URB1: variants seen among roughly 807,000 people sequenced by gnomAD.
URB1 encodes URB1 ribosome biogenesis factor.
URB1 carries 197 observed loss-of-function variants against 242.3 expected under a neutral mutation model. That is an observed-to-expected ratio of 0.81 (90% CI 0.72 to 0.91). The LOEUF is 0.91. URB1 is among the 40% of genes least tolerant of loss of function. URB1 has a pLI of 0.00. For missense variants in URB1, 2,721 were observed against 2,860.5 expected (o/e 0.95, Z 1.11); for synonymous variants, 1,153 against 1,201.8 (o/e 0.96, Z 0.84).
At chr21:32,354,685 C>T (rs890692608) in intron 17 of URB1, among the ~76,000 whole-genome samples, 174 bp downstream of exon 17, 4 of 152,204 alleles carry the variant, frequency 2.6e-5, no homozygotes, top group African/African-American at 9.7e-5. Flanking sequence ...ACAAGTGTTT[C>T]CCATTACATG....
intron 29 of URB1, 122 bp from the exon 30 acceptor site, chr21:32,333,541 C>G (rs1461632869): frequency 9.2e-6 from 7 of 759,132 alleles, no homozygotes; most frequent in African/African-American, 7.1e-5. Flanking sequence ...TATTTGCATA[C>G]ATAATGAGAT....
intron 11 of URB1, 111 bp downstream of exon 11, chr21:32,363,045 A>G: frequency 7.2e-7 from 1 of 1,388,076 alleles, no homozygotes; most frequent in Non-Finnish European, 9.6e-7. Context: ...CGGCCTGTCC[A>G]ACCCTGCGGC....
Position 32,368,311 on chromosome 21 carries a change from G to A in URB1, c.1197+92C>T, listed in dbSNP as rs566627216. ...TCAAACTCCTGACCTCAGGTAATCC[G>A]CCTGCCTCGGCCTCCCGAAGTGCTG... On this transcript the variant is annotated intron_variant, in intron 9 of 38. Transcript: ENST00000382751. 9.2e-5 allele frequency: 110 copies of A among 1,195,910 alleles called. No homozygotes were observed. The African/African-American group carries it at 1.1e-3, about 12-fold the overall frequency. The allele number at this position is 1,195,910 out of a possible 1,614,324, so 74.1% of individuals were successfully genotyped here. A position where few individuals can be genotyped will look rare whatever the true frequency, so the allele number is the denominator to read the frequency against.
chr21:32,347,034 C>A lies in URB1; in HGVS notation c.3790G>T (p.Asp1264Tyr), dbSNP rs77503870. 70 of 1,549,352 alleles carry A rather than the reference C, an allele frequency of 4.5e-5. No homozygotes were observed. Among genetic ancestry groups the A allele is most frequent in the Non-Finnish European group, 6.0e-5 (69 of 1,145,602 alleles). ...QAGPGLGLQG[D>Y]LDDFLPLIHV... is the part of the protein sequence containing the mutation. Reference sequence around the variant, plus strand: ...ATGAGGGGAAGGAAGTCGTCCAGGTCCCCCTGGAGGCCGAGCCCTGGGCCA... The same window carrying A: ...ATGAGGGGAAGGAAGTCGTCCAGGTACCCCTGGAGGCCGAGCCCTGGGCCA... Residue 1264 changes from aspartate (D) to tyrosine (Y), a missense_variant, in exon 22 of 39, where the codon GAC becomes TAC. Transcript: ENST00000382751.
At position 32,354,101 on chromosome 21, in the gene URB1, C is replaced by T. The variant is rs1325015469; in HGVS notation, c.2248G>A (p.Val750Ile). The T allele has an allele frequency of 1.9e-6, 3 of 1,551,650 alleles. No homozygotes were observed. The highest frequency in any genetic ancestry group is 1.7e-6 in the Non-Finnish European group (2 of 1,146,966). ...MSIPISHIDD[V>I]LDMVDVLVEG... ...ACCAGGACATCCACCATGTCGAGAA[C>T]ATCTGAGACAGAAAGAGGAGAATCC... The change falls in exon 18 of 39, where the codon GTT becomes ATT. Residue 750 changes from valine to isoleucine, a missense_variant and splice_region_variant. By Grantham distance (29) the Val-to-Ile change is conservative (BLOSUM62 3). Coordinates refer to ENST00000382751, the MANE Select transcript of URB1 (RefSeq NM_014825.3).
At chr21:32,333,039 TTCA>T (rs2032914265) in intron 30 of URB1, 1 of 398,250 alleles carries the variant, frequency 2.5e-6, no homozygotes, top group East Asian at 5.6e-5. Flanking sequence ...GCAGAAAATG[TTCA>T]TCATTAGGAA....
chr21:32,311,391 T>A lies in URB1; in HGVS notation c.*3527A>T. 1 of 467,258 alleles carries A rather than the reference T, an allele frequency of 2.1e-6. No homozygotes were observed. 28.9% of individuals were successfully genotyped at this position (467,258 alleles called of 1,614,324 possible). A position where few individuals can be genotyped will look rare whatever the true frequency, so the allele number is the denominator to read the frequency against. On this transcript the variant is annotated 3_prime_UTR_variant, in exon 39 of 39. Transcript: ENST00000382751. ...CTCAGATACAGCGCTGGATGGGAGGTCAACCTGCTCCCCTCCACCCCCCAC... is the reference window on the plus strand; with the variant it reads ...CTCAGATACAGCGCTGGATGGGAGGACAACCTGCTCCCCTCCACCCCCCAC...
At chr21:32,360,419 T>A (rs960484355) in intron 13 of URB1, among the ~76,000 whole-genome samples, 2 of 152,216 alleles carry the variant, frequency 1.3e-5, no homozygotes, top group African/African-American at 4.8e-5. Context: ...CTTCAAATGA[T>A]TAAAAAGTGA....
At chr21:32,350,658 T>C (rs936745353) in intron 20 of URB1, 46 bp downstream of exon 20, 5 of 1,537,542 alleles carry the variant, frequency 3.3e-6, no homozygotes, top group Non-Finnish European at 4.4e-6. Flanking sequence ...CTTAGCTCTC[T>C]GGTGGCAGAG....
intron 22 of URB1, 88 bp from the exon 23 acceptor site, chr21:32,345,663 T>A: frequency 1.5e-6 from 2 of 1,349,490 alleles, no homozygotes; most frequent in Non-Finnish European, 2.0e-6. Context: ...GGTTGCTATA[T>A]TTTAGGTATC....
chr21:32,327,154 T>C (rs1397661397), intron 30 of URB1, among the ~76,000 whole-genome samples: 1 of 152,026 alleles, frequency 6.6e-6, no homozygotes, highest in East Asian at 1.9e-4. Flanking sequence ...ATAAAGCATA[T>C]ATATTTATAT....
chr21:32,385,714 C>T, intron 1 of URB1, 30 bp from the exon 2 acceptor site: 1 of 1,549,068 alleles, frequency 6.5e-7, no homozygotes, highest in Non-Finnish European at 8.7e-7. Context: ...CAAACATTAA[C>T]AAGGTCAGTC....
At chr21:32,389,207 C>T (rs1279576456) in intron 1 of URB1, among the ~76,000 whole-genome samples, 1 of 152,140 alleles carries the variant, frequency 6.6e-6, no homozygotes, top group Non-Finnish European at 1.5e-5. Context: ...GGTGAGACCA[C>T]ATTCCAGGCC....
intron 18 of URB1, among the ~76,000 whole-genome samples, 162 bp downstream of exon 18, chr21:32,353,771 C>T (rs1432153130): frequency 6.6e-6 from 1 of 152,360 alleles, no homozygotes; most frequent in Middle Eastern, 3.4e-3. Context: ...TCCCACTGTG[C>T]TCCTAGCTCT....
At chr21:32,341,936 T>G (rs1277250116) in intron 24 of URB1, among the ~76,000 whole-genome samples, 1 of 152,264 alleles carries the variant, frequency 6.6e-6, no homozygotes, top group South Asian at 2.1e-4. Context: ...AAATTACACT[T>G]AGAGCACTTA....
rs370646489 is a variant in URB1, at chr21:32,354,925, T to C, written c.2179A>G (p.Met727Val). Reference protein sequence around the residue: ...KASDFVQEASMLQATMTKQEA... With the variant: ...KASDFVQEASVLQATMTKQEA... ...TGCTTCGTCATAGTGGCCTGCAGCA[T>C]GCTTGCTTCTTGGACAAAGTCAGAT... Residue 727 changes from methionine to valine, a missense_variant, in exon 17 of 39, where the codon ATG (methionine) becomes GTG (valine). By Grantham distance (21) the Met-to-Val change is conservative. Transcript: ENST00000382751. 136 of 1,552,260 alleles carry C rather than the reference T, an allele frequency of 8.8e-5. No individual in the cohort carries two copies. Among genetic ancestry groups the C allele is most frequent in the Non-Finnish European group, 1.2e-4 (132 of 1,147,158 alleles).
At chr21:32,385,015 G>GA (rs553242971) in intron 2 of URB1, among the ~76,000 whole-genome samples, 1,707 of 137,014 alleles carry the variant, frequency 0.012, 25 homozygotes, top group African/African-American at 0.046. Context: ...AGAAAAGAAA[G>GA]AAAGAAAGAA....
At chr21:32,361,628 C>A (rs2033289372) in intron 12 of URB1, among the ~76,000 whole-genome samples, 1 of 152,222 alleles carries the variant, frequency 6.6e-6, no homozygotes, top group Admixed American at 6.5e-5. Context: ...GGCCAGAGCA[C>A]ATGGCACCCA....
chr21:32,379,617 G>A (rs987936718), intron 4 of URB1, among the ~76,000 whole-genome samples: 8 of 152,098 alleles, frequency 5.3e-5, no homozygotes, highest in Admixed American at 1.3e-4. Context: ...CTGCACATCC[G>A]TGATCTCATT....
Sources: allele counts gnomAD v4.1 joint callset (sites outside exome capture counted in the v4.1 genomes callset), GRCh38; gene constraint gnomAD v4.1.1; transcripts MANE v1.5; gene names NCBI Gene and HGNC (gene_info 2026-07-23, HGNC 2026-07-21).